The following COL11A2 variants were observed in gnomAD, a reference collection of about 807,000 sequenced individuals.
COL11A2 encodes collagen type XI alpha 2 chain, also known as collagen alpha-2(XI) chain.
A neutral mutation model predicts 273.4 loss-of-function variants in COL11A2; 116 were observed. The observed-to-expected ratio is 0.42, with a 90% CI of 0.36 to 0.49. The LOEUF (loss-of-function observed/expected upper bound fraction) is 0.49, where lower values mean the gene tolerates loss of function less well. Among genes scored for constraint, COL11A2 ranks in the 20% least tolerant of loss-of-function variants. COL11A2 has a pLI of 0.00. For missense variants in COL11A2, 1,866 were observed against 2,309.0 expected (o/e 0.81, Z 3.93); for synonymous variants, 782 against 864.2 (o/e 0.90, Z 1.67).
At position 33,170,307 on chromosome 6, in the gene COL11A2, A is replaced by G. The variant is rs530853048; in HGVS notation, c.3582+19T>C. The G allele has an allele frequency of 1.2e-6, 2 of 1,612,676 alleles. No homozygotes were observed. The highest frequency in any genetic ancestry group is 2.2e-5 in the South Asian group (2 of 90,792). ...ACCAGACACATTGGTCTCAAGGGAC[A>G]GGGGCTGAGATGACTCACATCAGCG... On this transcript the variant is annotated intron_variant, in intron 48 of 65. Transcript: ENST00000341947. This position sits in a 1 kb window ranked among gnomAD's most constrained non-coding sequence, Gnocchi z 4.3.
At position 33,174,059 on chromosome 6, in the gene COL11A2, G is replaced by C. The variant is rs765204626; in HGVS notation, c.2485-4C>G. ...GCCCTGACTTCCCCGACAGGCCCTG[G>C]TGGGAATGAAGCAGAGAGAACATTA... On this transcript the variant is annotated splice_region_variant and splice_polypyrimidine_tract_variant and intron_variant, in intron 32 of 65. Coordinates refer to ENST00000341947, the MANE Select transcript of COL11A2 (RefSeq NM_080680.3). 6.2e-7 allele frequency: 1 copy of C among 1,613,822 alleles called. No individual in the cohort carries two copies. The highest frequency in any genetic ancestry group is 8.5e-7 in the Non-Finnish European group (1 of 1,179,984).
At position 33,169,584 on chromosome 6, in the gene COL11A2, T is replaced by C; in HGVS notation, c.3691-94A>G. On this transcript the variant is annotated intron_variant, in intron 50 of 65. Transcript: ENST00000341947. This position sits in a 1 kb window ranked among gnomAD's most constrained non-coding sequence, Gnocchi z 5.5. ...CGAGACACCTTCAGCCATCCCCTAC[T>C]CCCCTCAGTGACAATGGGACATACA... 1 of 1,264,032 alleles carries C rather than the reference T, an allele frequency of 7.9e-7. No individual in the cohort carries two copies. The highest frequency in any genetic ancestry group is 1.1e-6 in the Non-Finnish European group (1 of 876,142). The allele number at this position is 1,264,032 out of a possible 1,614,324, so 78.3% of individuals were successfully genotyped here. A position where few individuals can be genotyped will look rare whatever the true frequency, so the allele number is the denominator to read the frequency against.
chr6:33,175,918 G>C (rs1770829251), intron 29 of COL11A2, 98 bp downstream of exon 29: 1 of 1,430,270 alleles, frequency 7.0e-7, no homozygotes, highest in African/African-American at 1.4e-5. Context: ...TGGAACTGTG[G>C]AGTCTGGAGA....
rs1258785393 is a variant in COL11A2, at chr6:33,177,890, TTTTG to T, written c.1873-188_1873-185del. 2.5e-6 allele frequency: 2 copies of T among 794,440 alleles called. No individual in the cohort carries two copies. Among genetic ancestry groups the T allele is most frequent in the African/African-American group, 3.5e-5 (2 of 57,530 alleles). The allele number at this position is 794,440 out of a possible 1,614,324, so 49.2% of individuals were successfully genotyped here. A position where few individuals can be genotyped will look rare whatever the true frequency, so the allele number is the denominator to read the frequency against. On this transcript the variant is annotated intron_variant, in intron 21 of 65. Coordinates refer to ENST00000341947, the MANE Select transcript of COL11A2 (RefSeq NM_080680.3). This position sits in a 1 kb window ranked among gnomAD's most constrained non-coding sequence, Gnocchi z 5.9. ...GGATCTGTGGGCTTGTGGGCTTTGG[TTTTG>T]TTTTTCTTGAAGATTTATTTCCTAT...
rs1458987447 is a variant in COL11A2, at chr6:33,178,762, G to A, written c.1666-30C>T. The A allele has an allele frequency of 1.9e-6, 3 of 1,612,512 alleles. No individual in the cohort carries two copies. Among genetic ancestry groups the A allele is most frequent in the Non-Finnish European group, 1.7e-6 (2 of 1,179,678 alleles). On this transcript the variant is annotated intron_variant, in intron 17 of 65. Coordinates refer to ENST00000341947, the MANE Select transcript of COL11A2 (RefSeq NM_080680.3). This position sits in a 1 kb window ranked among gnomAD's most constrained non-coding sequence, Gnocchi z 4.6. ...GAGGAGGAAGGATAGCCAGAGTGAG[G>A]ACACGACCCTGTCCAAGCCCACCCC... is the stretch of plus-strand genomic sequence containing the variant.
At chr6:33,175,221 G>A (rs899356278) in intron 30 of COL11A2, among the ~76,000 whole-genome samples, 4 of 152,210 alleles carry the variant, frequency 2.6e-5, no homozygotes, top group African/African-American at 9.7e-5. Flanking sequence ...CACAGGGCAA[G>A]TGCTGGGGAG....
In COL11A2 at chr6:33,163,992, C is replaced by T. The variant is rs907928949; in HGVS notation, c.5071-174G>A. Among the ~76,000 whole-genome samples, 3 of 152,188 alleles carry T rather than the reference C, an allele frequency of 2.0e-5. No individual in the cohort carries two copies. Among genetic ancestry groups the T allele is most frequent in the Non-Finnish European group, 4.4e-5 (3 of 68,034 alleles). On this transcript the variant is annotated intron_variant, in intron 65 of 65. Transcript: ENST00000341947. The surrounding 1 kb of genome is among the most constrained non-coding windows in gnomAD (Gnocchi z 4.1). ...GCGTGTGTGTTTGCTTCTCCCCCAC[C>T]GTGTGCCTCTGCTGGGCAGCCATGT...
At position 33,173,023 on chromosome 6, in the gene COL11A2, G is replaced by C. The variant is rs1044232953; in HGVS notation, c.2790+37C>G. 1 of 1,603,218 alleles carries C rather than the reference G, an allele frequency of 6.2e-7. No homozygotes were observed. The highest frequency in any genetic ancestry group is 1.3e-5 in the African/African-American group (1 of 74,728). Reference sequence around the variant, plus strand: ...AAGAGGGGCAGACAGACTAATGCTAGGGTCAGGGGTCCATTCTCTCCTAGG... The same window carrying C: ...AAGAGGGGCAGACAGACTAATGCTACGGTCAGGGGTCCATTCTCTCCTAGG... On this transcript the variant is annotated intron_variant, in intron 38 of 65. Coordinates refer to ENST00000341947, the MANE Select transcript of COL11A2 (RefSeq NM_080680.3). The surrounding 1 kb of genome is among the most constrained non-coding windows in gnomAD (Gnocchi z 6.3).
chr6:33,164,777 A>G lies in COL11A2; in HGVS notation c.4863+75T>C. On this transcript the variant is annotated intron_variant, in intron 64 of 65. Transcript: ENST00000341947. This position sits in a 1 kb window ranked among gnomAD's most constrained non-coding sequence, Gnocchi z 4.7. The stretch of plus-strand genomic sequence containing the variant: ...GGGCAACAGCCAGGGGACTGTCACC[A>G]AAACCCAGAAACCACTAAGCCCTGA... The G allele has an allele frequency of 7.3e-7, 1 of 1,370,796 alleles. No homozygotes were observed. Among genetic ancestry groups the G allele is most frequent in the South Asian group, 1.3e-5 (1 of 79,446 alleles). 84.9% of individuals were successfully genotyped at this position (1,370,796 alleles called of 1,614,324 possible). A position where few individuals can be genotyped will look rare whatever the true frequency, so the allele number is the denominator to read the frequency against.
Position 33,166,997 on chromosome 6 carries a change from A to C in COL11A2, c.4230+73T>G. On this transcript the variant is annotated intron_variant, in intron 58 of 65. Transcript: ENST00000341947. This position sits in a 1 kb window ranked among gnomAD's most constrained non-coding sequence, Gnocchi z 4.8. ...GGAGGCCTGAAGCAGAGCAGTGGGC[A>C]CTTGGGTCCCACAGGTTTCAGGGGC... 1.3e-6 allele frequency: 2 copies of C among 1,598,816 alleles called. No homozygotes were observed. The highest frequency in any genetic ancestry group is 2.2e-5 in the South Asian group (2 of 90,386).
Position 33,176,960 on chromosome 6 carries a change from G to A in COL11A2, c.2070+32C>T, listed in dbSNP as rs1490622503. 1 of 1,604,490 alleles carries A rather than the reference G, an allele frequency of 6.2e-7. No homozygotes were observed. The highest frequency in any genetic ancestry group is 8.5e-7 in the Non-Finnish European group (1 of 1,175,482). ...CATGCACTGGGGTGGAAGGCCAAGGGGAACTGGATTCGGAAGTGGGGTCCC... is the reference window on the plus strand; with the variant it reads ...CATGCACTGGGGTGGAAGGCCAAGGAGAACTGGATTCGGAAGTGGGGTCCC... On this transcript the variant is annotated intron_variant, in intron 25 of 65. Coordinates refer to ENST00000341947, the MANE Select transcript of COL11A2 (RefSeq NM_080680.3). The surrounding 1 kb of genome is among the most constrained non-coding windows in gnomAD (Gnocchi z 4.9).
At position 33,189,012 on chromosome 6, in the gene COL11A2, G is replaced by T. The variant is rs1321016951; in HGVS notation, c.409C>A (p.Pro137Thr). The change falls in exon 3 of 66, where the codon CCA becomes ACA. Residue 137 changes from proline (P) to threonine (T), a missense_variant. Pro to Thr is a conservative substitution (Grantham distance 38). Coordinates refer to ENST00000341947, the MANE Select transcript of COL11A2 (RefSeq NM_080680.3). The surrounding 1 kb of genome is among the most constrained non-coding windows in gnomAD (Gnocchi z 5.6). ...QTGRPQPPSQ[P>T]VFRGLSLADG... The stretch of plus-strand genomic sequence containing the variant: ...GCTAGGCTGAGGCCTCGGAAGACTG[G>T]CTGAGAGGGAGGTTGAGGCCGCCCA... 2 of 1,614,194 alleles carry T rather than the reference G, an allele frequency of 1.2e-6. No individual in the cohort carries two copies. Among genetic ancestry groups the T allele is most frequent in the Non-Finnish European group, 1.7e-6 (2 of 1,180,030 alleles).
chr6:33,184,749 A>G (rs1417455546), intron 7 of COL11A2, among the ~76,000 whole-genome samples: 1 of 152,252 alleles, frequency 6.6e-6, no homozygotes, highest in Non-Finnish European at 1.5e-5. Flanking sequence ...CATGGAGACG[A>G]AGTCACTCAG....
chr6:33,169,544 T>C lies in COL11A2; in HGVS notation c.3691-54A>G, dbSNP rs1273977244. 9 of 1,527,214 alleles carry C rather than the reference T, an allele frequency of 5.9e-6. No homozygotes were observed. Among genetic ancestry groups the C allele is most frequent in the Admixed American group, 1.7e-5 (1 of 59,496 alleles). 94.6% of individuals were successfully genotyped at this position (1,527,214 alleles called of 1,614,324 possible). A position where few individuals can be genotyped will look rare whatever the true frequency, so the allele number is the denominator to read the frequency against. On this transcript the variant is annotated intron_variant, in intron 50 of 65. Transcript: ENST00000341947. This position sits in a 1 kb window ranked among gnomAD's most constrained non-coding sequence, Gnocchi z 5.5. Reference sequence around the variant, plus strand: ...CCCAGGGAATCTTGAAGATCAGGGATGCAGCCTCTGCTTCCGAGACACCTT... The same window carrying C: ...CCCAGGGAATCTTGAAGATCAGGGACGCAGCCTCTGCTTCCGAGACACCTT...
At position 33,178,905 on chromosome 6, in the gene COL11A2, G is replaced by T. The variant is rs781663197; in HGVS notation, c.1665+15C>A. On this transcript the variant is annotated intron_variant, in intron 17 of 65. Coordinates refer to ENST00000341947, the MANE Select transcript of COL11A2 (RefSeq NM_080680.3). This position sits in a 1 kb window ranked among gnomAD's most constrained non-coding sequence, Gnocchi z 4.6. ...TGAAGGCTACAGGCTTCAGGGAGGG[G>T]CCCAAGCCTGTTACCTTCACTCCAG... 1.3e-5 allele frequency: 21 copies of T among 1,613,594 alleles called. No homozygotes were observed. The highest frequency in any genetic ancestry group is 2.2e-5 in the East Asian group (1 of 44,858).
rs1470126287 is a variant in COL11A2, at chr6:33,172,627, C to T, written c.2801G>A (p.Gly934Glu). 1 of 1,612,292 alleles carries T rather than the reference C, an allele frequency of 6.2e-7. No homozygotes were observed. The highest frequency in any genetic ancestry group is 8.5e-7 in the Non-Finnish European group (1 of 1,179,918). The part of the protein sequence containing the change: ...PGVVGPQGAA[G>E]ETGPMGERGH... Reference sequence around the variant, plus strand: ...TCTCTCCCCCATAGGGCCGGTTTCTCCTGCTGCTCCCTAGACAAAAGCAGA... The same window carrying T: ...TCTCTCCCCCATAGGGCCGGTTTCTTCTGCTGCTCCCTAGACAAAAGCAGA... The change falls in exon 39 of 66, where the codon GGA becomes GAA. Residue 934 changes from glycine to glutamate, a missense_variant. Transcript: ENST00000341947.
chr6:33,177,851 G>T lies in COL11A2; in HGVS notation c.1873-145C>A, dbSNP rs1771142296. On this transcript the variant is annotated intron_variant, in intron 21 of 65. Coordinates refer to ENST00000341947, the MANE Select transcript of COL11A2 (RefSeq NM_080680.3). The surrounding 1 kb of genome is among the most constrained non-coding windows in gnomAD (Gnocchi z 5.9). The stretch of plus-strand genomic sequence containing the variant: ...CAAACACAGCTGGCCCAGGCCTGCA[G>T]TGTGTGGGACTGTGGATCTGTGGGC... 2 of 925,980 alleles carry T rather than the reference G, an allele frequency of 2.2e-6. No individual in the cohort carries two copies. Among genetic ancestry groups the T allele is most frequent in the African/African-American group, 1.6e-5 (1 of 61,140 alleles). The allele number at this position is 925,980 out of a possible 1,614,324, so 57.4% of individuals were successfully genotyped here.
rs1768838723 is a variant in COL11A2, at chr6:33,164,685, A to G, written c.4863+167T>C. On this transcript the variant is annotated intron_variant, in intron 64 of 65. Transcript: ENST00000341947. This position sits in a 1 kb window ranked among gnomAD's most constrained non-coding sequence, Gnocchi z 4.7. The stretch of plus-strand genomic sequence containing the variant: ...GTACACGAAAGGCAAAGTGAGCATC[A>G]GAGGACCGGTGAAAAGGAAAAGAAG... 6.6e-6 allele frequency among the ~76,000 whole-genome samples: 1 copy of G among 152,100 alleles called. No individual in the cohort carries two copies. Among genetic ancestry groups the G allele is most frequent in the Non-Finnish European group, 1.5e-5 (1 of 68,004 alleles).
Position 33,181,266 on chromosome 6 carries a change from C to T in COL11A2, c.1120-96G>A, listed in dbSNP as rs183530210. 1.2e-5 allele frequency: 15 copies of T among 1,262,756 alleles called. No individual in the cohort carries two copies. The African/African-American group carries it at 1.8e-4, about 15-fold the overall frequency. The allele number at this position is 1,262,756 out of a possible 1,614,324, so 78.2% of individuals were successfully genotyped here. A position where few individuals can be genotyped will look rare whatever the true frequency, so the allele number is the denominator to read the frequency against. ...CAACTCCAACCTTGATTCTTAGATC[C>T]TCTCGAGACCACTTCAGCCCTACCC... On this transcript the variant is annotated intron_variant, in intron 8 of 65. Transcript: ENST00000341947.
Sources: allele counts gnomAD v4.1 joint callset (sites outside exome capture counted in the v4.1 genomes callset), GRCh38; gene constraint gnomAD v4.1.1; non-coding constraint Gnocchi (gnomAD v3.1); transcripts MANE v1.5; gene names NCBI Gene and HGNC (gene_info 2026-07-23, HGNC 2026-07-21).